RBM25: variants seen among roughly 807,000 people sequenced by gnomAD.
The protein encoded by RBM25 is RNA binding motif protein 25.
Under a neutral mutation model 120.7 loss-of-function variants are expected in RBM25, and 19 were observed. The ratio of observed to expected loss-of-function variants is 0.16; its 90% CI spans 0.11 to 0.23. The LOEUF is 0.23. Ranked by LOEUF, RBM25 falls within the 10% of genes least tolerant of loss-of-function variation. RBM25 has a pLI of 1.00. For synonymous variants in RBM25, 390 were observed against 326.7 expected (o/e 1.19, Z -2.09); for missense variants, 605 against 1,041.5 (o/e 0.58, Z 5.77).
rs978139360 is a variant in RBM25 at position 73,109,822 on chromosome 14, C to T, written c.1692+330C>T. On this transcript the variant is annotated intron_variant, in intron 14 of 18. Transcript: ENST00000261973. ...AAGCGATTCTCCTGCCTCAGGTACC[C>T]GAGTAGTAGTACGGATTACAGGTGT... 3.9e-5 allele frequency among the ~76,000 whole-genome samples: 6 copies of T among 152,108 alleles called. No individual in the cohort carries two copies. The East Asian group carries it at 5.8e-4, about 15-fold the overall frequency.
Position 73,111,788 on chromosome 14 carries a change from T to G in RBM25, c.2278T>G (p.Ser760Ala). The change falls in exon 16 of 19, where the codon TCT becomes GCT. Residue 760 changes from serine to alanine, a missense_variant. By Grantham distance (99) the Ser-to-Ala change is moderately conservative (BLOSUM62 1). Around this residue, in one of 4 missense-constraint regions of RBM25, gnomAD observed 465 missense variants for 741.6 expected, o/e 0.63. Coordinates refer to ENST00000261973, the MANE Select transcript of RBM25 (RefSeq NM_021239.3). ...GCTCTTCGCTTATCCCCTGGATTGG[T>G]CTATTGTGGATTCTGTGAGTAGGAA... ...PELFAYPLDW[S>A]IVDSILMERR... The G allele has an allele frequency of 6.2e-7, 1 of 1,602,612 alleles. No homozygotes were observed. Among genetic ancestry groups the G allele is most frequent in the Non-Finnish European group, 8.5e-7 (1 of 1,176,242 alleles).
In RBM25 at chr14:73,119,905, A is replaced by ATTTT; in HGVS notation, c.*109_*112dup. ...CTTTGAAGACATTGTGAGATCTGTA[A>ATTTT]TTTTTTTTTTTTGTAGAAAATGTGA... On this transcript the variant is annotated 3_prime_UTR_variant, in exon 19 of 19. Coordinates refer to ENST00000261973, the MANE Select transcript of RBM25 (RefSeq NM_021239.3). 1 of 1,124,946 alleles carries ATTTT rather than the reference A, an allele frequency of 8.9e-7. No individual in the cohort carries two copies. Among genetic ancestry groups the ATTTT allele is most frequent in the Non-Finnish European group, 1.2e-6 (1 of 848,934 alleles). 69.7% of individuals were successfully genotyped at this position (1,124,946 alleles called of 1,614,324 possible). A position where few individuals can be genotyped will look rare whatever the true frequency, so the allele number is the denominator to read the frequency against.
chr14:73,109,519 C>T (rs577508583), intron 14 of RBM25, 27 bp downstream of exon 14: 32 of 1,596,602 alleles, frequency 2.0e-5, no homozygotes, highest in South Asian at 9.0e-5. Flanking sequence ...TCTGGTCGGG[C>T]GCGGTGGCTC....
intron 13 of RBM25, among the ~76,000 whole-genome samples, chr14:73,108,967 G>A (rs1448214486): frequency 3.3e-5 from 5 of 152,194 alleles, no homozygotes; most frequent in Non-Finnish European, 5.9e-5. Flanking sequence ...AACTCTCAGT[G>A]CTACTAATGC....
intron 9 of RBM25, chr14:73,101,520 A>G (rs1289003203): frequency 6.6e-6 from 1 of 150,748 alleles, no homozygotes; most frequent in Non-Finnish European, 1.5e-5. Flanking sequence ...GTGTATATAT[A>G]TATATATATA....
At chr14:73,093,732 CTG>C (rs2140446225) in intron 6 of RBM25, among the ~76,000 whole-genome samples, 1 of 152,010 alleles carries the variant, frequency 6.6e-6, no homozygotes, top group African/African-American at 2.4e-5. Flanking sequence ...GTCTCAAACT[CTG>C]GACCTCAGGT....
In RBM25 at chr14:73,099,755, TA is replaced by T; in HGVS notation, c.867+6del. 1 of 1,597,126 alleles carries T rather than the reference TA, an allele frequency of 6.3e-7. No individual in the cohort carries two copies. Among genetic ancestry groups the T allele is most frequent in the South Asian group, 1.2e-5 (1 of 86,874 alleles). On this transcript the variant is annotated splice_donor_region_variant and intron_variant, in intron 9 of 18. Transcript: ENST00000261973. ...AAATTCAGAGACACACATAAGGTAG[TA>T]TTCTTGTCTTTTCACTTGATACCAA... is the stretch of plus-strand genomic sequence containing the variant.
intron 10 of RBM25, among the ~76,000 whole-genome samples, chr14:73,104,114 A>G (rs943765159): frequency 2.0e-5 from 3 of 152,062 alleles, no homozygotes; most frequent in African/African-American, 7.2e-5. Flanking sequence ...CTGGGCAGAC[A>G]TGACTCCCTG....
At chr14:73,079,563 C>T (rs1180629808) in intron 4 of RBM25, among the ~76,000 whole-genome samples, 1 of 150,614 alleles carries the variant, frequency 6.6e-6, no homozygotes, top group Non-Finnish European at 1.5e-5. Context: ...ACCTGTGGTT[C>T]ACCTCATGAG....
chr14:73,103,146 C>T lies in RBM25; in HGVS notation c.868-46C>T. On this transcript the variant is annotated intron_variant, in intron 9 of 18. Coordinates refer to ENST00000261973, the MANE Select transcript of RBM25 (RefSeq NM_021239.3). ...CTTTGCGCCGGGAAAAATCTGAATA[C>T]TGGAGCTACAGAGTTAACTCTAAAA... 5 of 1,571,552 alleles carry T rather than the reference C, an allele frequency of 3.2e-6. No homozygotes were observed. The Middle Eastern group carries it at 5.2e-4, about 165-fold the overall frequency.
intron 1 of RBM25, chr14:73,059,291 C>A (rs978269837): frequency 6.6e-6 from 1 of 152,224 alleles, no homozygotes; most frequent in African/African-American, 2.4e-5. Flanking sequence ...TAGCAGTCTC[C>A]TGGCTTGCTT....
chr14:73,110,256 C>G (rs975044753), intron 14 of RBM25, among the ~76,000 whole-genome samples: 1 of 150,240 alleles, frequency 6.7e-6, no homozygotes, highest in African/African-American at 2.5e-5. Flanking sequence ...AATCTCTGTT[C>G]ACTGCACCCT....
chr14:73,080,425 A>G (rs1895533113), intron 4 of RBM25, among the ~76,000 whole-genome samples: 1 of 151,900 alleles, frequency 6.6e-6, no homozygotes, highest in Non-Finnish European at 1.5e-5. Flanking sequence ...AGGTTTCACC[A>G]TGTTAGCCAG....
At chr14:73,096,807 A>G (rs1242787326) in intron 6 of RBM25, 108 bp from the exon 7 acceptor site, 1 of 917,264 alleles carries the variant, frequency 1.1e-6, no homozygotes, top group Admixed American at 2.7e-5. Context: ...TAATAGGACT[A>G]CAGAGATGTT....
intron 3 of RBM25, 147 bp from the exon 4 acceptor site, chr14:73,077,222 C>G (rs1594904042): frequency 1.7e-6 from 1 of 582,634 alleles, no homozygotes; most frequent in East Asian, 3.2e-5. Context: ...GTGCTATGCA[C>G]TTTAGGAGCT....
rs763797658 is a variant in RBM25, at chr14:73,077,380, C to A, written c.168C>A (p.Pro56=). 1 of 1,610,452 alleles carries A rather than the reference C, an allele frequency of 6.2e-7. No individual in the cohort carries two copies. Among genetic ancestry groups the A allele is most frequent in the Admixed American group, 1.7e-5 (1 of 59,398 alleles). The change falls in exon 4 of 19, where the codon CCC becomes CCA. Residue 56 remains proline (P), a synonymous_variant. Transcript: ENST00000261973. Reference sequence around the variant, plus strand: ...TTTCTTCACCTTAGGTCTTAGTACCCACTGTGTCTATGGTTGGAAAGCATT... The same window carrying A: ...TTTCTTCACCTTAGGTCTTAGTACCAACTGTGTCTATGGTTGGAAAGCATT... The part of the protein sequence containing the change: ...IMAPAPTVLV[P]TVSMVGKHLG...
intron 6 of RBM25, among the ~76,000 whole-genome samples, chr14:73,089,428 C>T (rs1895760240): frequency 6.6e-6 from 1 of 152,028 alleles, no homozygotes. Context: ...GATCTTGGCT[C>T]ACTGCAACCT....
rs1175980470 is a variant in RBM25, at chr14:73,120,282, A to G, written c.*477A>G. The G allele has an allele frequency of 6.5e-6, 1 of 152,868 alleles. No homozygotes were observed. The highest frequency in any genetic ancestry group is 6.5e-5 in the Admixed American group (1 of 15,288). The allele number at this position is 152,868 out of a possible 1,614,324, so 9.5% of individuals were successfully genotyped here. On this transcript the variant is annotated 3_prime_UTR_variant, in exon 19 of 19. Coordinates refer to ENST00000261973, the MANE Select transcript of RBM25 (RefSeq NM_021239.3). ...GTGAAGGCATGGAGTTTAAAATTGGAATGCAAAAATTAGCAGACAATCCAT... is the reference window on the plus strand; with the variant it reads ...GTGAAGGCATGGAGTTTAAAATTGGGATGCAAAAATTAGCAGACAATCCAT...
chr14:73,077,217 A>G lies in RBM25; in HGVS notation c.157-152A>G, dbSNP rs1403070450. On this transcript the variant is annotated intron_variant, in intron 3 of 18. Transcript: ENST00000261973. ...TAAGTTTGCATTAATGAAATGTGCTATGCACTTTAGGAGCTTTAGAAGTAT... is the reference window on the plus strand; with the variant it reads ...TAAGTTTGCATTAATGAAATGTGCTGTGCACTTTAGGAGCTTTAGAAGTAT... 1.1e-5 allele frequency: 6 copies of G among 527,708 alleles called. No individual in the cohort carries two copies. The South Asian group carries it at 2.0e-4, about 17-fold the overall frequency. The allele number at this position is 527,708 out of a possible 1,614,324, so 32.7% of individuals were successfully genotyped here.
Sources: gnomAD v4.1 joint callset for allele counts (sites outside exome capture counted in the v4.1 genomes callset) on GRCh38, gnomAD v4.1.1 for gene constraint, gnomAD v4.1.1 regional missense constraint, MANE v1.5 for transcripts, NCBI Gene and HGNC (gene_info 2026-07-23, HGNC 2026-07-21) for gene names.